GABRB3: variants seen among roughly 807,000 people sequenced by gnomAD.
GABRB3 encodes gamma-aminobutyric acid receptor subunit beta-3.
A neutral mutation model predicts 52.1 loss-of-function variants in GABRB3; 14 were observed. The observed-to-expected ratio is 0.27, with a 90% confidence interval of 0.18 to 0.42. The LOEUF is 0.42. Among genes scored for constraint, GABRB3 ranks in the 10% least tolerant of loss-of-function variants. The pLI is 1.00. For synonymous variants in GABRB3, 260 were observed against 232.3 expected, an observed-to-expected ratio of 1.12 and a Z score of -1.08; for missense variants, 307 against 609.1, an observed-to-expected ratio of 0.50 and a Z score of 5.22.
intron 3 of GABRB3, among the ~76,000 whole-genome samples, chr15:26,627,844 A>C (rs1039484233): frequency 6.6e-6 from 1 of 152,216 alleles, no homozygotes; most frequent in Non-Finnish European, 1.5e-5. Context: ...GTTTGAGAGG[A>C]CTGACTTCAA....
chr15:26,648,298 G>A (rs946360412), intron 3 of GABRB3, among the ~76,000 whole-genome samples: 1 of 152,158 alleles, frequency 6.6e-6, no homozygotes, highest in African/African-American at 2.4e-5. Context: ...TCATCCATGT[G>A]GAAACATGTC....
Position 26,545,628 on chromosome 15 carries a change from A to T in GABRB3, c.*2165T>A, listed in dbSNP as rs1285806470. 6.6e-6 allele frequency: 1 copy of T among 152,492 alleles called. No individual in the cohort carries two copies. The highest frequency in any genetic ancestry group is 2.4e-5 in the African/African-American group (1 of 41,442). The allele number at this position is 152,492 out of a possible 1,614,324, so 9.4% of individuals were successfully genotyped here. A position where few individuals can be genotyped will look rare whatever the true frequency, so the allele number is the denominator to read the frequency against. ...GGATACAGAAAAAGATACCTGAAGT[A>T]TTGAAAGGGATAAGGTCTTTGCAAA... On this transcript the variant is annotated 3_prime_UTR_variant, in exon 9 of 9. Coordinates refer to ENST00000311550, the MANE Select transcript of GABRB3 (RefSeq NM_000814.6).
chr15:26,616,190 AG>A (rs1892250804), intron 4 of GABRB3: 1 of 741,686 alleles, frequency 1.3e-6, no homozygotes, highest in Admixed American at 2.4e-5. Flanking sequence ...GGGGCCAAGG[AG>A]AGGATGGAGG....
chr15:26,544,754 G>A lies in GABRB3; in HGVS notation c.*3039C>T, dbSNP rs1448055029. Reference sequence around the variant, plus strand: ...ATTCTTCTGTAGATCTTGAGCCCCTGTGGCGCATTTTGGAAAGACAGGACT... The same window carrying A: ...ATTCTTCTGTAGATCTTGAGCCCCTATGGCGCATTTTGGAAAGACAGGACT... On this transcript the variant is annotated 3_prime_UTR_variant, in exon 9 of 9. Coordinates refer to ENST00000311550, the MANE Select transcript of GABRB3 (RefSeq NM_000814.6). The A allele has an allele frequency of 6.6e-6, 1 of 152,418 alleles. No individual in the cohort carries two copies. The allele number at this position is 152,418 out of a possible 1,614,324, so 9.4% of individuals were successfully genotyped here.
chr15:26,611,115 G>A (rs1295076227), intron 4 of GABRB3, among the ~76,000 whole-genome samples: 3 of 152,070 alleles, frequency 2.0e-5, no homozygotes, highest in Non-Finnish European at 2.9e-5. Flanking sequence ...TTTAAAAAAT[G>A]GCGAACAAGG....
At chr15:26,643,416 CAG>C (rs1453185242) in intron 3 of GABRB3, among the ~76,000 whole-genome samples, 1 of 152,172 alleles carries the variant, frequency 6.6e-6, no homozygotes, top group Non-Finnish European at 1.5e-5. Context: ...CCCTCAAGAT[CAG>C]AGTCACTCCA....
intron 8 of GABRB3, among the ~76,000 whole-genome samples, chr15:26,551,797 C>T (rs1048458043): frequency 2.0e-5 from 3 of 152,118 alleles, no homozygotes; most frequent in African/African-American, 7.2e-5. Context: ...GAGTGGTCTC[C>T]TTAGAATGGA....
intron 4 of GABRB3, among the ~76,000 whole-genome samples, chr15:26,592,239 C>A (rs577604816): frequency 6.6e-6 from 1 of 152,284 alleles, no homozygotes; most frequent in African/African-American, 2.4e-5. Flanking sequence ...AATTAAGTGA[C>A]AATTAGGCGT....
chr15:26,670,671 A>G (rs1887871749), intron 3 of GABRB3, among the ~76,000 whole-genome samples: 1 of 152,214 alleles, frequency 6.6e-6, no homozygotes, highest in African/African-American at 2.4e-5. Context: ...GGAGGATGAT[A>G]CTACTGACAC....
At chr15:26,683,420 G>A (rs1160200912) in intron 3 of GABRB3, among the ~76,000 whole-genome samples, 1 of 151,930 alleles carries the variant, frequency 6.6e-6, no homozygotes, top group Non-Finnish European at 1.5e-5. Context: ...TGGGGAATGA[G>A]GGCTACCCAA....
intron 4 of GABRB3, among the ~76,000 whole-genome samples, chr15:26,606,709 A>AAGT (rs386382519): frequency 7.5e-6 from 1 of 134,058 alleles, no homozygotes; most frequent in Non-Finnish European, 1.6e-5. Flanking sequence ...AACAAGTAAG[A>AAGT]AGTAAATTGT....
At chr15:26,737,944 C>G (rs1047280882) in intron 3 of GABRB3, among the ~76,000 whole-genome samples, 2 of 152,144 alleles carry the variant, frequency 1.3e-5, no homozygotes, top group African/African-American at 4.8e-5. Context: ...ACTAAAACTA[C>G]AATGGGGCAC....
chr15:26,615,259 T>G (rs1344521606), intron 4 of GABRB3: 1 of 984,548 alleles, frequency 1.0e-6, no homozygotes, highest in African/African-American at 1.7e-5. Flanking sequence ...AGCCAAGATC[T>G]TCCTAGTTCC....
intron 3 of GABRB3, among the ~76,000 whole-genome samples, chr15:26,766,675 GAC>G (rs1891005641): frequency 6.6e-6 from 1 of 151,588 alleles, no homozygotes; most frequent in South Asian, 2.1e-4. Flanking sequence ...TGGAGTCAAA[GAC>G]AGACACCAGT....
intron 3 of GABRB3, among the ~76,000 whole-genome samples, chr15:26,672,068 T>C (rs1887916262): frequency 6.6e-6 from 1 of 152,244 alleles, no homozygotes; most frequent in Non-Finnish European, 1.5e-5. Flanking sequence ...AATGTTTTTC[T>C]CTTTTCCTAG....
chr15:26,752,500 T>C (rs866283831), intron 3 of GABRB3, among the ~76,000 whole-genome samples: 8 of 152,026 alleles, frequency 5.3e-5, no homozygotes, highest in African/African-American at 1.9e-4. Flanking sequence ...CCTGACCTCA[T>C]GATCCACTCG....
chr15:26,586,597 G>C (rs950730125), intron 4 of GABRB3, among the ~76,000 whole-genome samples: 1 of 149,442 alleles, frequency 6.7e-6, no homozygotes, highest in African/African-American at 2.5e-5. Flanking sequence ...CTGTTATAAT[G>C]CTGGCTATAA....
At chr15:26,664,206 C>T (rs1424514180) in intron 3 of GABRB3, among the ~76,000 whole-genome samples, 2 of 152,282 alleles carry the variant, frequency 1.3e-5, no homozygotes, top group East Asian at 3.9e-4. Flanking sequence ...CCATATCCAG[C>T]TAATTGATTT....
intron 3 of GABRB3, among the ~76,000 whole-genome samples, chr15:26,728,411 C>T (rs11161334): frequency 0.85 from 129,484 of 151,880 alleles, 56,084 homozygotes; most frequent in East Asian, 1. Flanking sequence ...ACAGAGTCTT[C>T]ATGGAAAATA....
Sources: allele counts gnomAD v4.1 joint callset (sites outside exome capture counted in the v4.1 genomes callset), GRCh38; gene constraint gnomAD v4.1.1; transcripts MANE v1.5; gene names NCBI Gene and HGNC (gene_info 2026-07-23, HGNC 2026-07-21).